The following SPATS1 variants were observed in gnomAD, a reference collection of about 807,000 sequenced individuals.
The protein encoded by SPATS1 is spermatogenesis associated serine rich 1, also known as spermatogenesis-associated serine-rich protein 1.
In SPATS1, 23 loss-of-function variants were observed where a neutral mutation model predicts 33.6. The ratio of observed to expected loss-of-function variants is 0.68; its 90% CI spans 0.49 to 0.97. The LOEUF (loss-of-function observed/expected upper bound fraction) is 0.97. SPATS1 is among the 50% of genes least tolerant of loss of function. SPATS1 has a pLI of 0.00. For missense variants in SPATS1, 327 were observed against 361.0 expected, an observed-to-expected ratio of 0.91 and a Z score of 0.76; for synonymous variants, 131 against 125.6, an observed-to-expected ratio of 1.04 and a Z score of -0.29.
intron 2 of SPATS1, among the ~76,000 whole-genome samples, chr6:44,350,491 G>A (rs1330899963): frequency 6.6e-6 from 1 of 152,172 alleles, no homozygotes; most frequent in Non-Finnish European, 1.5e-5. Context: ...AGGCTTCCTG[G>A]GTAATTCTGA....
intron 6 of SPATS1, among the ~76,000 whole-genome samples, chr6:44,368,962 T>TCTCGG (rs1789416600): frequency 6.6e-6 from 1 of 150,582 alleles, no homozygotes; most frequent in Non-Finnish European, 1.5e-5. Context: ...AGTGGTGCCA[T>TCTCGG]CTCAGCTCAC....
chr6:44,353,169 A>G (rs991263432), intron 3 of SPATS1, among the ~76,000 whole-genome samples: 1 of 152,248 alleles, frequency 6.6e-6, no homozygotes, highest in African/African-American at 2.4e-5. Flanking sequence ...GCACACAGCA[A>G]GTTCTGTGTA....
At chr6:44,354,734 T>C (rs1788461502) in intron 3 of SPATS1, among the ~76,000 whole-genome samples, 2 of 152,228 alleles carry the variant, frequency 1.3e-5, no homozygotes, top group South Asian at 2.1e-4. Context: ...TAGTTTACAA[T>C]AGGGCTCACT....
chr6:44,351,829 G>C (rs1439161703), intron 2 of SPATS1, among the ~76,000 whole-genome samples: 1 of 152,202 alleles, frequency 6.6e-6, no homozygotes, highest in Non-Finnish European at 1.5e-5. Context: ...GCCAGGCACT[G>C]TTATGGATTC....
Position 44,342,697 on chromosome 6 carries a change from C to T in SPATS1, c.-72C>T, listed in dbSNP as rs1470736051. On this transcript the variant is annotated 5_prime_UTR_variant, in exon 1 of 9. Transcript: ENST00000674044. Reference sequence around the variant, plus strand: ...GCAGGCGGCTGCGGTGTCCCTTTTGCCCTAGGCTCTCGGTTCTCAGGCCTC... The same window carrying T: ...GCAGGCGGCTGCGGTGTCCCTTTTGTCCTAGGCTCTCGGTTCTCAGGCCTC... The T allele has an allele frequency of 2.2e-6, 1 of 458,582 alleles. No individual in the cohort carries two copies. Among genetic ancestry groups the T allele is most frequent in the East Asian group, 6.9e-5 (1 of 14,578 alleles). The allele number at this position is 458,582 out of a possible 1,614,324, so 28.4% of individuals were successfully genotyped here. A position where few individuals can be genotyped will look rare whatever the true frequency, so the allele number is the denominator to read the frequency against.
At chr6:44,363,639 T>C (rs182083723) in intron 5 of SPATS1, among the ~76,000 whole-genome samples, 8 of 66,166 alleles carry the variant, frequency 1.2e-4, no homozygotes, top group African/African-American at 5.5e-4. Flanking sequence ...TTTTTCTTTC[T>C]TTCCTTCCTT....
Position 44,351,213 on chromosome 6 carries a change from A to G in SPATS1, c.140-1513A>G, listed in dbSNP as rs1005875506. ...AAATAAGTATATAACAACTATTTAC[A>G]TAGCATTTGCATTGTATTAGGTATT... is the stretch of plus-strand genomic sequence containing the variant. On this transcript the variant is annotated intron_variant, in intron 2 of 8. Transcript: ENST00000674044. Among the ~76,000 whole-genome samples, 10 of 152,168 alleles carry G rather than the reference A, an allele frequency of 6.6e-5. 1 individual carries two copies. Among genetic ancestry groups the G allele is most frequent in the African/African-American group, 1.2e-4 (5 of 41,438 alleles).
chr6:44,344,905 G>A (rs987174123), intron 2 of SPATS1, among the ~76,000 whole-genome samples: 5 of 152,112 alleles, frequency 3.3e-5, no homozygotes, highest in Non-Finnish European at 5.9e-5. Flanking sequence ...CATTTATTGC[G>A]CTTGAATAAC....
At chr6:44,348,393 A>G (rs1275331417) in intron 2 of SPATS1, among the ~76,000 whole-genome samples, 1 of 150,868 alleles carries the variant, frequency 6.6e-6, no homozygotes, top group African/African-American at 2.4e-5. Context: ...TCTTTATTTC[A>G]TTCATTTCTG....
At chr6:44,376,062 T>C (rs1018222154) in intron 7 of SPATS1, among the ~76,000 whole-genome samples, 2 of 151,086 alleles carry the variant, frequency 1.3e-5, no homozygotes, top group African/African-American at 2.4e-5. Flanking sequence ...GCTGAGATTG[T>C]GCCACTGCAT....
intron 2 of SPATS1, among the ~76,000 whole-genome samples, chr6:44,344,735 A>G (rs1178676795): frequency 6.6e-6 from 1 of 152,162 alleles, no homozygotes; most frequent in African/African-American, 2.4e-5. Context: ...AATTCCACAG[A>G]TGGCAATAAA....
At chr6:44,372,131 G>A (rs1197663538) in intron 7 of SPATS1, among the ~76,000 whole-genome samples, 1 of 150,950 alleles carries the variant, frequency 6.6e-6, no homozygotes, top group Admixed American at 6.6e-5. Context: ...GCGCGCACCT[G>A]TAGTCCCAGC....
At position 44,352,833 on chromosome 6, in the gene SPATS1, AG is replaced by A; in HGVS notation, c.248del (p.Ser83MetfsTer13). ...TTCTGTGGAAACAGGCCCAAGTGTC[AG>A]TGAGCCTCCTGGCCTCCCCAGAGTG... Reference protein sequence around the residue: ...SSSVETGPSVSEPPGLPRVSA... With the variant: ...SSSVETGPSVXEPPGLPRVSA... On this transcript the variant is annotated frameshift_variant, in exon 3 of 9. Transcript: ENST00000674044. LOFTEE classifies it high-confidence loss of function. 1 of 1,614,188 alleles carries A rather than the reference AG, an allele frequency of 6.2e-7. No homozygotes were observed. The highest frequency in any genetic ancestry group is 8.5e-7 in the Non-Finnish European group (1 of 1,180,018).
intron 2 of SPATS1, among the ~76,000 whole-genome samples, chr6:44,344,692 T>C (rs905288644): frequency 1.4e-3 from 86 of 62,414 alleles, no homozygotes; most frequent in Non-Finnish European, 2.4e-3. Context: ...TAAGGTGTTA[T>C]TCCTGCCTAA....
intron 2 of SPATS1, 25 bp from the exon 3 acceptor site, chr6:44,352,701 A>C: frequency 2.5e-6 from 4 of 1,606,340 alleles, no homozygotes; most frequent in Non-Finnish European, 3.4e-6. Flanking sequence ...TAATGTAATT[A>C]AATGGTGATA....
chr6:44,345,564 C>T (rs1397790951), intron 2 of SPATS1, among the ~76,000 whole-genome samples: 1 of 152,146 alleles, frequency 6.6e-6, no homozygotes, highest in Non-Finnish European at 1.5e-5. Flanking sequence ...CTCTCAAGTC[C>T]TATAGTGGCA....
intron 7 of SPATS1, among the ~76,000 whole-genome samples, chr6:44,372,259 A>G (rs1789672743): frequency 6.6e-6 from 1 of 151,618 alleles, no homozygotes. Flanking sequence ...TCTCAAAAAA[A>G]AAAAAAAAAG....
At chr6:44,352,938 T>C (rs1788330059) in intron 3 of SPATS1, 65 bp downstream of exon 3, 3 of 1,552,538 alleles carry the variant, frequency 1.9e-6, no homozygotes, top group Admixed American at 3.5e-5. Flanking sequence ...GCCAATAGTC[T>C]GAGAGGTAGC....
At chr6:44,363,755 C>A (rs539490539) in intron 5 of SPATS1, among the ~76,000 whole-genome samples, 2 of 149,912 alleles carry the variant, frequency 1.3e-5, no homozygotes, top group South Asian at 4.2e-4. Flanking sequence ...CCTTTCATTT[C>A]TTCTTTCCCT....
Sources: allele counts gnomAD v4.1 joint callset (sites outside exome capture counted in the v4.1 genomes callset), GRCh38; gene constraint gnomAD v4.1.1; transcripts MANE v1.5; gene names NCBI Gene and HGNC (gene_info 2026-07-23, HGNC 2026-07-21).